RAD51B: variants seen among roughly 807,000 people sequenced by gnomAD.
The protein encoded by RAD51B is RAD51 paralog B, also known as DNA repair protein RAD51 homolog 2.
A neutral mutation model predicts 42.2 loss-of-function variants in RAD51B; 38 were observed. That is an observed-to-expected ratio of 0.90 (90% CI 0.70 to 1.18). RAD51B has a LOEUF of 1.18. Ranked by LOEUF, RAD51B falls within the 50% of genes most tolerant of loss-of-function variation. The pLI, the probability that RAD51B is intolerant of heterozygous loss-of-function variation, is 0.00. For synonymous variants in RAD51B, 154 were observed against 145.2 expected (o/e 1.06, Z -0.43); for missense variants, 373 against 400.7 (o/e 0.93, Z 0.59).
At chr14:68,599,386 G>A (rs539787538), downstream of RAD51B, among the ~76,000 whole-genome samples, 1 of 152,316 alleles carries the variant, frequency 6.6e-6, no homozygotes, top group Admixed American at 6.5e-5. Flanking sequence ...GCCCTGCCCT[G>A]TTTAGGAAAC....
chr14:68,072,070 A>ATATAT (rs1440869222), intron 7 of RAD51B, among the ~76,000 whole-genome samples: 3 of 104,700 alleles, frequency 2.9e-5, no homozygotes, highest in Non-Finnish European at 5.5e-5. Flanking sequence ...TATTTATATA[A>ATATAT]ATATATAAAT....
chr14:67,988,652 A>T (rs1388920325), intron 7 of RAD51B, among the ~76,000 whole-genome samples: 9 of 152,124 alleles, frequency 5.9e-5, no homozygotes, highest in Non-Finnish European at 1.3e-4. Flanking sequence ...TTGGGAGCTT[A>T]TTTCCACTGC....
intron 7 of RAD51B, among the ~76,000 whole-genome samples, chr14:67,995,589 C>A (rs1035225459): frequency 6.6e-6 from 1 of 151,802 alleles, no homozygotes; most frequent in African/African-American, 2.4e-5. Flanking sequence ...TATTGGAGAC[C>A]AAGCCCTGCT....
At chr14:68,539,903 C>A (rs937683498) in intron 10 of RAD51B, among the ~76,000 whole-genome samples, 2 of 152,200 alleles carry the variant, frequency 1.3e-5, no homozygotes, top group South Asian at 4.1e-4. Flanking sequence ...GGTCCCGTAT[C>A]CTCCAGGCTG....
downstream of RAD51B, among the ~76,000 whole-genome samples, chr14:68,599,024 C>T (rs951151427): frequency 6.6e-6 from 1 of 152,176 alleles, no homozygotes; most frequent in African/African-American, 2.4e-5. Flanking sequence ...CACAGCAGCA[C>T]TTTGGAAAGG....
chr14:68,464,197 A>G (rs1362078207), intron 9 of RAD51B, among the ~76,000 whole-genome samples: 1 of 152,052 alleles, frequency 6.6e-6, no homozygotes, highest in Non-Finnish European at 1.5e-5. Context: ...CTTTCTCTAA[A>G]TTTTTTGTCT....
chr14:68,047,508 A>G (rs970958493), intron 7 of RAD51B, among the ~76,000 whole-genome samples: 2 of 152,194 alleles, frequency 1.3e-5, no homozygotes, highest in Non-Finnish European at 2.9e-5. Context: ...ACCCAGAAAT[A>G]ATGACAGCTT....
chr14:68,679,280 A>AACAC (rs1566970953), intron 11 of RAD51B, among the ~76,000 whole-genome samples: 1 of 152,208 alleles, frequency 6.6e-6, no homozygotes, highest in African/African-American at 2.4e-5. Flanking sequence ...CAAACAAACA[A>AACAC]ACAAACAAAA....
chr14:68,654,245 G>A (rs1892763182), intron 11 of RAD51B, among the ~76,000 whole-genome samples: 1 of 152,372 alleles, frequency 6.6e-6, no homozygotes, highest in East Asian at 1.9e-4. Context: ...CTACAGAGCT[G>A]ATGGAATCCT....
chr14:68,411,452 CG>C lies in RAD51B; in HGVS notation c.883del (p.Ala295HisfsTer2). ...CTTCTGGATCCAGCTGTGTGATAGC[CG>C]CACTAGGAAATACCTGGAGTCACAG... ...GTSGSSCVIA[A>X]LGNTWSHSVN... On this transcript the variant is annotated frameshift_variant, in exon 9 of 11. Transcript: ENST00000471583. LOFTEE classifies it high-confidence loss of function. The C allele has an allele frequency of 6.2e-7, 1 of 1,614,056 alleles. No individual in the cohort carries two copies. The highest frequency in any genetic ancestry group is 8.5e-7 in the Non-Finnish European group (1 of 1,179,994).
rs368151568 is a variant in RAD51B, at chr14:68,463,717, C to G, written c.958-4455C>G. 3.3e-5 allele frequency among the ~76,000 whole-genome samples: 5 copies of G among 152,284 alleles called. No individual in the cohort carries two copies. The East Asian group carries it at 5.8e-4, about 18-fold the overall frequency. ...CATAGAAAAGCAATATGAATTTTCACTCCAGTCCTCTTACCATGATGTTTG... is the reference window on the plus strand; with the variant it reads ...CATAGAAAAGCAATATGAATTTTCAGTCCAGTCCTCTTACCATGATGTTTG... On this transcript the variant is annotated intron_variant, in intron 9 of 10. Coordinates refer to ENST00000471583, the MANE Select transcript of RAD51B (RefSeq NM_133510.4).
chr14:68,641,146 T>C (rs192888972), intron 10 of RAD51B, among the ~76,000 whole-genome samples: 23 of 152,274 alleles, frequency 1.5e-4, no homozygotes, highest in African/African-American at 5.5e-4. Flanking sequence ...CAAGACACAG[T>C]TCAGATAAAA....
chr14:68,421,643 T>C (rs1340401098), intron 9 of RAD51B: 38 of 1,396,402 alleles, frequency 2.7e-5, no homozygotes, highest in Non-Finnish European at 3.6e-5. Context: ...GGAGGGGTGC[T>C]CTCCTGAGCT....
At chr14:68,198,949 A>G (rs1389700730) in intron 7 of RAD51B, among the ~76,000 whole-genome samples, 2 of 152,088 alleles carry the variant, frequency 1.3e-5, no homozygotes, top group Non-Finnish European at 2.9e-5. Context: ...TTTTATATTG[A>G]GCTAGTTTTC....
At chr14:68,234,036 A>G (rs1490069951) in intron 7 of RAD51B, among the ~76,000 whole-genome samples, 1 of 152,178 alleles carries the variant, frequency 6.6e-6, no homozygotes, top group Non-Finnish European at 1.5e-5. Context: ...GGGGTAACAA[A>G]GGAACCAGTG....
At chr14:67,942,303 C>T (rs2045236756) in intron 7 of RAD51B, among the ~76,000 whole-genome samples, 1 of 151,992 alleles carries the variant, frequency 6.6e-6, no homozygotes, top group Admixed American at 6.6e-5. Flanking sequence ...TCTTTACTTT[C>T]GTAATGCATT....
chr14:68,231,922 T>C (rs548682059), intron 7 of RAD51B, among the ~76,000 whole-genome samples: 2 of 152,132 alleles, frequency 1.3e-5, no homozygotes, highest in East Asian at 1.9e-4. Context: ...GTAATATAAA[T>C]GCAGTGATGG....
intron 7 of RAD51B, among the ~76,000 whole-genome samples, chr14:68,062,473 T>C (rs1195739629): frequency 2.0e-5 from 3 of 152,092 alleles, no homozygotes; most frequent in Non-Finnish European, 4.4e-5. Flanking sequence ...GAATTGGTGT[T>C]AGTTCATTGT....
chr14:68,079,480 A>G (rs2076882018), intron 7 of RAD51B, among the ~76,000 whole-genome samples: 2 of 152,194 alleles, frequency 1.3e-5, no homozygotes, highest in East Asian at 3.8e-4. Context: ...AAACTCTGAT[A>G]TATTTGAGAA....
Sources: allele counts gnomAD v4.1 joint callset (sites outside exome capture counted in the v4.1 genomes callset), GRCh38; gene constraint gnomAD v4.1.1; transcripts MANE v1.5; gene names NCBI Gene and HGNC (gene_info 2026-07-23, HGNC 2026-07-21).